The following JAG2 variants were observed in gnomAD, a reference collection of about 807,000 sequenced individuals.
JAG2 encodes protein jagged-2.
Under a neutral mutation model 141.7 loss-of-function variants are expected in JAG2, and 46 were observed. That is an observed-to-expected ratio of 0.32 (90% CI 0.26 to 0.42). The LOEUF is 0.42. Among genes scored for constraint, JAG2 ranks in the 10% least tolerant of loss-of-function variants. The pLI, the probability that JAG2 is intolerant of heterozygous loss-of-function variation, is 1.00. For synonymous variants in JAG2, 862 were observed against 763.5 expected, an observed-to-expected ratio of 1.13 and a Z score of -2.13; for missense variants, 1,500 against 1,817.5, an observed-to-expected ratio of 0.83 and a Z score of 3.18.
In JAG2 at chr14:105,147,783, G is replaced by A. The variant is rs1415685791; in HGVS notation, c.2354C>T (p.Thr785Ile). The A allele has an allele frequency of 2.6e-6, 4 of 1,547,088 alleles. No individual in the cohort carries two copies. The African/African-American group carries it at 4.1e-5, about 16-fold the overall frequency. ...CICRDGWEGR[T>I]CTHNTNDCNP... ...CCTCCCACACTCACTGTGAGTGCAA[G>A]TACGACCCTCCCAGCCGTCCCGGCA... The change falls in exon 18 of 26, where the codon ACT (threonine) becomes ATT (isoleucine). Residue 785 changes from threonine to isoleucine, a missense_variant. Physicochemically the swap from Thr to Ile is moderately conservative, Grantham distance 89 (BLOSUM62 -1). Coordinates refer to ENST00000331782, the MANE Select transcript of JAG2 (RefSeq NM_002226.5).
At position 105,154,937 on chromosome 14, in the gene JAG2, G is replaced by GT. The variant is rs1029980556; in HGVS notation, c.788+624dup. On this transcript the variant is annotated intron_variant, in intron 5 of 25. Transcript: ENST00000331782. This position sits in a 1 kb window ranked among gnomAD's most constrained non-coding sequence, Gnocchi z 4.4. ...AAACCCCTGGGCTCCACCCCAGGAT[G>GT]TCTGCAGGACCCGTGCGCCTCTCCC... 2.6e-4 allele frequency among the ~76,000 whole-genome samples: 39 copies of GT among 151,210 alleles called. No homozygotes were observed. Among genetic ancestry groups the GT allele is most frequent in the Non-Finnish European group, 4.3e-4 (29 of 67,836 alleles).
Position 105,156,890 on chromosome 14 carries a change from A to G in JAG2, c.475+816T>C, listed in dbSNP as rs142267512. On this transcript the variant is annotated intron_variant, in intron 3 of 25. Coordinates refer to ENST00000331782, the MANE Select transcript of JAG2 (RefSeq NM_002226.5). ...TGCCCTGAGCCGCTGGGGTCCCCAC[A>G]ACTGCTGCTCCCCACCTGGGCACCC... 7.4e-4 allele frequency among the ~76,000 whole-genome samples: 113 copies of G among 151,816 alleles called. 1 individual carries two copies. In the East Asian group the frequency reaches 0.018, roughly 25 times the overall value.
rs775212079 is a variant in JAG2, at chr14:105,147,921, C to CCTGGCCCTGGG, written c.2249-44_2249-34dup. The CCTGGCCCTGGG allele has an allele frequency of 4.0e-6, 6 of 1,497,394 alleles. No homozygotes were observed. In the Admixed American group the frequency reaches 5.9e-5, roughly 15 times the overall value. The allele number at this position is 1,497,394 out of a possible 1,614,324, so 92.8% of individuals were successfully genotyped here. A position where few individuals can be genotyped will look rare whatever the true frequency, so the allele number is the denominator to read the frequency against. ...GAGAGGAGGAGGAGGGAGCGTCTCACCTGGCCCTGGGCTGGCCCTGGGTCT... is the reference window on the plus strand; with the variant it reads ...GAGAGGAGGAGGAGGGAGCGTCTCACCTGGCCCTGGGCTGGCCCTGGGCTGGCCCTGGGTCT... On this transcript the variant is annotated intron_variant, in intron 17 of 25. Transcript: ENST00000331782.
intron 2 of JAG2, among the ~76,000 whole-genome samples, chr14:105,162,653 G>C: frequency 6.9e-6 from 1 of 145,332 alleles, no homozygotes; most frequent in Non-Finnish European, 1.5e-5. Context: ...CAAGGTCCAG[G>C]GCACCTTAAA....
In JAG2 at chr14:105,150,678, CGCTGTGGCAGGGGCT is replaced by C. The variant is rs1324087062; in HGVS notation, c.1513_1527del (p.Ser505_Ser509del). 6.4e-7 allele frequency: 1 copy of C among 1,551,920 alleles called. No individual in the cohort carries two copies. Among genetic ancestry groups the C allele is most frequent in the Non-Finnish European group, 8.7e-7 (1 of 1,147,896 alleles). ...TCGGCCAGGTCCTCGCAGAGGCCGCCGCTGTGGCAGGGGCTGCTGGCACACTCGTCTCGTTCCAGC... is the reference window on the plus strand; with the variant it reads ...TCGGCCAGGTCCTCGCAGAGGCCGCCGCTGGCACACTCGTCTCGTTCCAGC... On this transcript the variant is annotated inframe_deletion, in exon 12 of 26. Transcript: ENST00000331782.
chr14:105,148,303 G>C (rs777026839), intron 16 of JAG2, 23 bp downstream of exon 16: 3 of 1,599,728 alleles, frequency 1.9e-6, no homozygotes, highest in Non-Finnish European at 1.7e-6. Flanking sequence ...AGCCCCAGGC[G>C]GCCAGGGCCT....
rs781388012 is a variant in JAG2 at position 105,145,065 on chromosome 14, G to A, written c.2953-4C>T. The A allele has an allele frequency of 1.9e-6, 3 of 1,609,534 alleles. No individual in the cohort carries two copies. The highest frequency in any genetic ancestry group is 2.5e-6 in the Non-Finnish European group (3 of 1,179,716). On this transcript the variant is annotated splice_region_variant and splice_polypyrimidine_tract_variant and intron_variant, in intron 23 of 25. Coordinates refer to ENST00000331782, the MANE Select transcript of JAG2 (RefSeq NM_002226.5). ...AAATGGCGCCCACCGTGGTGCCCTG[G>A]GCAGAGACAGGCAGTGCGTGGGCAG...
chr14:105,147,113 C>A, intron 20 of JAG2: 1 of 627,092 alleles, frequency 1.6e-6, no homozygotes, highest in Non-Finnish European at 2.9e-6. Context: ...GACTGGTCCC[C>A]CAGGCTGGGG....
At position 105,147,544 on chromosome 14, in the gene JAG2, G is replaced by C; in HGVS notation, c.2366-17C>G. ...CGTTGGTATCTGGTTTGGGAGAAGA[G>C]AACGCAGGGGATCAGTACCCACCCC... is the stretch of plus-strand genomic sequence containing the variant. On this transcript the variant is annotated splice_polypyrimidine_tract_variant and intron_variant, in intron 18 of 25. Coordinates refer to ENST00000331782, the MANE Select transcript of JAG2 (RefSeq NM_002226.5). 1.2e-6 allele frequency: 2 copies of C among 1,610,312 alleles called. No homozygotes were observed. Among genetic ancestry groups the C allele is most frequent in the Non-Finnish European group, 1.7e-6 (2 of 1,177,708 alleles).
chr14:105,155,484 G>T, intron 5 of JAG2, 78 bp downstream of exon 5: 1 of 1,540,584 alleles, frequency 6.5e-7, no homozygotes, highest in South Asian at 1.1e-5. Context: ...GGCGACTCCT[G>T]ACAGCAAGGC....
chr14:105,155,880 G>T lies in JAG2; in HGVS notation c.585C>A (p.Arg195=), dbSNP rs139004148. 2.5e-6 allele frequency: 4 copies of T among 1,612,178 alleles called. No homozygotes were observed. The highest frequency in any genetic ancestry group is 2.2e-5 in the East Asian group (1 of 44,866). The part of the protein sequence containing the change: ...GHVAHLELQI[R]VRCDENYYSA... ...TGTAGTAGTTCTCGTCGCAGCGCAC[G>T]CGGATCTGCAGCTCCAGGTGCGCCA... The change falls in exon 4 of 26, where the codon CGC becomes CGA. Residue 195 remains arginine (R), a synonymous_variant. Coordinates refer to ENST00000331782, the MANE Select transcript of JAG2 (RefSeq NM_002226.5).
At chr14:105,159,700 GCAACATGCTCCATCCACACCCCCC>G (rs1888677802) in intron 2 of JAG2, among the ~76,000 whole-genome samples, 1 of 31,576 alleles carries the variant, frequency 3.2e-5, no homozygotes, top group Non-Finnish European at 5.9e-5. Flanking sequence ...TCCACACCCC[GCAACATGCTCCATCCACACCCCCC>G]CAGAGCTCCA....
At chr14:105,150,821 G>C (rs1372164220) in intron 11 of JAG2, 44 bp from the exon 12 acceptor site, 1 of 1,572,080 alleles carries the variant, frequency 6.4e-7, no homozygotes, top group Admixed American at 1.9e-5. Flanking sequence ...CACCCTGACG[G>C]CCCCGCAGCA....
intron 21 of JAG2, 32 bp downstream of exon 21, chr14:105,146,579 G>T: frequency 6.3e-7 from 1 of 1,589,238 alleles, no homozygotes; most frequent in Non-Finnish European, 8.6e-7. Flanking sequence ...CCCCCAACCC[G>T]CCCCAACCCA....
Position 105,151,755 on chromosome 14 carries a change from GA to G in JAG2, c.1040-17del, listed in dbSNP as rs759920237. ...GCGTGCTCAGCTGTAGAACCGCGGGGAGGGGGCAGAGCTGGCAGCCAGGCCC... is the reference window on the plus strand; with the variant it reads ...GCGTGCTCAGCTGTAGAACCGCGGGGGGGGGCAGAGCTGGCAGCCAGGCCC... On this transcript the variant is annotated splice_polypyrimidine_tract_variant and intron_variant, in intron 7 of 25. Coordinates refer to ENST00000331782, the MANE Select transcript of JAG2 (RefSeq NM_002226.5). 24 of 1,604,418 alleles carry G rather than the reference GA, an allele frequency of 1.5e-5. No homozygotes were observed. Among genetic ancestry groups the G allele is most frequent in the Admixed American group, 8.5e-5 (5 of 58,922 alleles).
chr14:105,145,150 C>A, intron 23 of JAG2, 89 bp from the exon 24 acceptor site: 1 of 1,547,154 alleles, frequency 6.5e-7, no homozygotes, highest in South Asian at 1.1e-5. Context: ...ACACGTGGGA[C>A]ACACCCTACA....
At chr14:105,165,955 G>T (rs924109721) in intron 2 of JAG2, among the ~76,000 whole-genome samples, 1 of 152,206 alleles carries the variant, frequency 6.6e-6, no homozygotes, top group Non-Finnish European at 1.5e-5. Flanking sequence ...CCGCCCGAGT[G>T]CAAATACCAG....
intron 2 of JAG2, among the ~76,000 whole-genome samples, chr14:105,160,356 C>T (rs865881394): frequency 9.5e-5 from 10 of 105,550 alleles, no homozygotes; most frequent in African/African-American, 2.4e-4. Context: ...GCACCACCCT[C>T]GCAGCTGCAC....
chr14:105,163,730 C>A (rs80203586), intron 2 of JAG2, among the ~76,000 whole-genome samples: 1 of 151,270 alleles, frequency 6.6e-6, no homozygotes. Context: ...GGTCTGCAGA[C>A]AGGGACCCTG....
Sources: gnomAD v4.1 joint callset for allele counts (sites outside exome capture counted in the v4.1 genomes callset) on GRCh38, gnomAD v4.1.1 for gene constraint, Gnocchi (gnomAD v3.1) non-coding constraint, MANE v1.5 for transcripts, NCBI Gene and HGNC (gene_info 2026-07-23, HGNC 2026-07-21) for gene names.